The following ACYP2 variants were observed in gnomAD, a reference collection of about 807,000 sequenced individuals.
ACYP2 encodes the protein acylphosphatase-2.
In ACYP2, 12 loss-of-function variants were observed where a neutral mutation model predicts 11.2. That is an observed-to-expected ratio of 1.08 (90% CI 0.69 to 1.74). The LOEUF is 1.74. Among genes scored for constraint, ACYP2 ranks in the 40% most tolerant of loss-of-function variants. The pLI is 0.00. For missense variants in ACYP2, 134 were observed against 101.9 expected (o/e 1.31, Z -1.35); for synonymous variants, 43 against 32.2 (o/e 1.33, Z -1.13).
chr2:54,059,825 A>AC (rs771328180), intron 4 of ACYP2, among the ~76,000 whole-genome samples: 15 of 152,324 alleles, frequency 9.8e-5, no homozygotes, highest in Middle Eastern at 3.4e-3. Flanking sequence ...TTACTTAAGG[A>AC]TATGAATAGA....
intron 2 of ACYP2, among the ~76,000 whole-genome samples, chr2:53,987,344 T>G (rs1672084663): frequency 6.6e-6 from 1 of 151,184 alleles, no homozygotes; most frequent in African/African-American, 2.4e-5. Flanking sequence ...TGCTTTTATG[T>G]ATGTATACAA....
At chr2:53,984,619 A>G (rs947863003) in intron 2 of ACYP2, among the ~76,000 whole-genome samples, 1 of 149,564 alleles carries the variant, frequency 6.7e-6, no homozygotes, top group East Asian at 1.9e-4. Flanking sequence ...GTGTATGCAT[A>G]TATTATATAT....
chr2:54,165,537 A>T lies in ACYP2; in HGVS notation c.404+26789A>T, dbSNP rs13019605. ...TTCACTCTCTCTCTCTCTCTCTCTC[A>T]CACACACACACACACACACACACAC... On this transcript the variant is annotated intron_variant, in intron 6 of 6. Coordinates refer to ENST00000607452, the MANE Select transcript of ACYP2 (RefSeq NM_001320586.2). Among the ~76,000 whole-genome samples the T allele has an allele frequency of 7.0e-3, 764 of 109,370 alleles. 1 individual carries two copies. Among genetic ancestry groups the T allele is most frequent in the African/African-American group, 0.013 (338 of 25,974 alleles). 71.8% of individuals were successfully genotyped at this position (109,370 alleles called of 152,430 possible). A position where few individuals can be genotyped will look rare whatever the true frequency, so the allele number is the denominator to read the frequency against.
chr2:54,130,251 A>C (rs1262513495), intron 4 of ACYP2, among the ~76,000 whole-genome samples: 1 of 152,228 alleles, frequency 6.6e-6, no homozygotes, highest in Non-Finnish European at 1.5e-5. Flanking sequence ...GGAAGGAGCC[A>C]GTAATGAGAA....
chr2:54,175,111 C>A lies in ACYP2; in HGVS notation c.404+36363C>A, dbSNP rs542449199. On this transcript the variant is annotated intron_variant, in intron 6 of 6. Transcript: ENST00000607452. ...ATAGTTTCAGAAGGAATGGTACCAG[C>A]TCTTCTTTGTACCTCTGGTAGAATT... Among the ~76,000 whole-genome samples the A allele has an allele frequency of 2.6e-5, 4 of 152,262 alleles. No homozygotes were observed. The East Asian group carries it at 7.7e-4, about 29-fold the overall frequency.
At chr2:54,029,241 C>T (rs1247159459) in intron 2 of ACYP2, among the ~76,000 whole-genome samples, 2 of 152,004 alleles carry the variant, frequency 1.3e-5, no homozygotes, top group Non-Finnish European at 2.9e-5. Context: ...GAAGTTTTCC[C>T]TTCACTCCTA....
chr2:54,135,357 T>G, intron 4 of ACYP2, 96 bp from the exon 2 acceptor site: 1 of 1,140,260 alleles, frequency 8.8e-7, no homozygotes, highest in Middle Eastern at 2.0e-4. Flanking sequence ...AAACCAAGGA[T>G]AAATGGGGAC....
At chr2:54,083,403 A>G (rs926082057) in intron 4 of ACYP2, among the ~76,000 whole-genome samples, 1 of 152,180 alleles carries the variant, frequency 6.6e-6, no homozygotes, top group African/African-American at 2.4e-5. Context: ...TCTTTGTTCA[A>G]TGACATTTTA....
chr2:54,032,390 G>A (rs559236012), intron 2 of ACYP2, among the ~76,000 whole-genome samples: 35 of 152,222 alleles, frequency 2.3e-4, no homozygotes, highest in Non-Finnish European at 3.4e-4. Context: ...GGAATCCTTC[G>A]CCCATGTCTT....
In ACYP2 at chr2:54,119,765, C is replaced by G. The variant is rs189473506; in HGVS notation, c.278-15688C>G. ...TGGATACATTATTATGAACTAAAGTCCTTACTTTTTTCAAGGTTTCCTTAG... is the reference window on the plus strand; with the variant it reads ...TGGATACATTATTATGAACTAAAGTGCTTACTTTTTTCAAGGTTTCCTTAG... On this transcript the variant is annotated intron_variant, in intron 4 of 6. Coordinates refer to ENST00000607452, the MANE Select transcript of ACYP2 (RefSeq NM_001320586.2). Among the ~76,000 whole-genome samples the G allele has an allele frequency of 5.8e-4, 88 of 152,246 alleles. 1 individual carries two copies. The East Asian group carries it at 9.4e-3, about 16-fold the overall frequency.
chr2:54,030,432 G>A (rs954308305), intron 2 of ACYP2, among the ~76,000 whole-genome samples: 4 of 152,136 alleles, frequency 2.6e-5, no homozygotes, highest in South Asian at 4.1e-4. Flanking sequence ...TTTGATGTCT[G>A]GGCACTGATT....
intron 6 of ACYP2, among the ~76,000 whole-genome samples, chr2:54,265,729 C>A (rs1687986783): frequency 6.6e-6 from 1 of 152,242 alleles, no homozygotes; most frequent in African/African-American, 2.4e-5. Flanking sequence ...AAATCTCAAA[C>A]TGCACTTAGT....
chr2:54,115,439 C>A, intron 4 of ACYP2, 176 bp from the exon 1 acceptor site: 3 of 825,232 alleles, frequency 3.6e-6, no homozygotes, highest in Non-Finnish European at 5.4e-6. Context: ...ACAGCATCCT[C>A]CCCAGTCCGG....
intron 6 of ACYP2, among the ~76,000 whole-genome samples, chr2:54,223,685 C>T (rs1349518196): frequency 6.6e-6 from 1 of 152,126 alleles, no homozygotes; most frequent in African/African-American, 2.4e-5. Flanking sequence ...GAATTATTTT[C>T]AGTGGGAGAA....
chr2:53,985,041 A>G (rs1202439532), intron 2 of ACYP2, among the ~76,000 whole-genome samples: 1 of 150,942 alleles, frequency 6.6e-6, no homozygotes, highest in East Asian at 1.9e-4. Flanking sequence ...CCAAAATCTC[A>G]GTGGCTTAGG....
chr2:54,189,751 A>G (rs1420080579), intron 6 of ACYP2, among the ~76,000 whole-genome samples: 2 of 152,166 alleles, frequency 1.3e-5, no homozygotes, highest in African/African-American at 2.4e-5. Flanking sequence ...GTCATATGAC[A>G]GTACTACTTT....
rs547807309 is a variant in ACYP2 at position 54,095,031 on chromosome 2, C to T, written c.277+37671C>T. ...TGGTTTTCCTAGGCAGAGGACCCTG[C>T]GGCCTTCCGCGGTGTTTGTGTCCCT... is the stretch of plus-strand genomic sequence containing the variant. On this transcript the variant is annotated intron_variant, in intron 4 of 6. Coordinates refer to ENST00000607452, the MANE Select transcript of ACYP2 (RefSeq NM_001320586.2). Among the ~76,000 whole-genome samples, 473 of 125,258 alleles carry T rather than the reference C, an allele frequency of 3.8e-3. 3 individuals are homozygous for T. The highest frequency in any genetic ancestry group is 0.012 in the African/African-American group (458 of 37,162). 82.2% of individuals were successfully genotyped at this position (125,258 alleles called of 152,430 possible).
At chr2:54,087,685 T>C (rs1461478853) in intron 4 of ACYP2, among the ~76,000 whole-genome samples, 1 of 152,148 alleles carries the variant, frequency 6.6e-6, no homozygotes, top group African/African-American at 2.4e-5. Flanking sequence ...TATCTCCTTC[T>C]TCATTATTGC....
chr2:54,271,456 CA>C lies in ACYP2; in HGVS notation c.405-33231del, dbSNP rs1193885342. On this transcript the variant is annotated intron_variant, in intron 6 of 6. Transcript: ENST00000607452. The stretch of plus-strand genomic sequence containing the variant: ...GACTGACCATATCCAACCAGTGACT[CA>C]TGACTCAACCAGTGTGTCCTGTGGC... 2.0e-5 allele frequency among the ~76,000 whole-genome samples: 3 copies of C among 152,148 alleles called. No individual in the cohort carries two copies. In the East Asian group the frequency reaches 5.8e-4, roughly 29 times the overall value.
Sources: allele counts gnomAD v4.1 joint callset (sites outside exome capture counted in the v4.1 genomes callset), GRCh38; gene constraint gnomAD v4.1.1; transcripts MANE v1.5; gene names NCBI Gene and HGNC (gene_info 2026-07-23, HGNC 2026-07-21).